USP34: variants seen among roughly 807,000 people sequenced by gnomAD.
The protein encoded by USP34 is ubiquitin carboxyl-terminal hydrolase 34.
In USP34, 70 loss-of-function variants were observed where a neutral mutation model predicts 460.3. The ratio of observed to expected loss-of-function variants is 0.15; its 90% CI spans 0.13 to 0.19. USP34 has a LOEUF of 0.19. Among genes scored for constraint, USP34 ranks in the 10% least tolerant of loss-of-function variants. USP34 has a pLI of 1.00. For missense variants in USP34, 3,985 were observed against 4,236.2 expected (o/e 0.94, Z 1.65); for synonymous variants, 1,647 against 1,405.3 (o/e 1.17, Z -3.85).
At chr2:61,229,495 CA>C in intron 59 of USP34, 52 bp downstream of exon 59, 3 of 497,398 alleles carry the variant, frequency 6.0e-6, no homozygotes, top group East Asian at 5.0e-5. Flanking sequence ...AAAACAAAAA[CA>C]CCACACACAC....
intron 75 of USP34, among the ~76,000 whole-genome samples, chr2:61,195,762 C>T (rs887697778): frequency 1.3e-5 from 2 of 152,114 alleles, no homozygotes; most frequent in South Asian, 4.1e-4. Context: ...AGTGTCCCCT[C>T]TTTGCAAAAA....
intron 1 of USP34, among the ~76,000 whole-genome samples, chr2:61,464,717 CAA>C (rs35331685): frequency 3.2e-4 from 25 of 77,994 alleles, no homozygotes; most frequent in African/African-American, 6.5e-4. Context: ...GACTCCGTCT[CAA>C]AAAAAAAAAA....
rs575890775 is a variant in USP34 at position 61,400,918 on chromosome 2, G to A, written c.552+4790C>T. ...TGTAATCCCAGCATTTTGGGAGGCC[G>A]AGACAGGCAGGTCACAAGATCAAGT... is the stretch of plus-strand genomic sequence containing the variant. On this transcript the variant is annotated intron_variant, in intron 3 of 79. Coordinates refer to ENST00000398571, the MANE Select transcript of USP34 (RefSeq NM_014709.4). 1.9e-4 allele frequency among the ~76,000 whole-genome samples: 29 copies of A among 152,106 alleles called. No individual in the cohort carries two copies. In the South Asian group the frequency reaches 4.8e-3, roughly 25 times the overall value.
In USP34 at chr2:61,280,301, C is replaced by T. The variant is rs368846131; in HGVS notation, c.5199G>A (p.Glu1733=). The T allele has an allele frequency of 3.2e-6, 5 of 1,559,044 alleles. No homozygotes were observed. The African/African-American group carries it at 4.1e-5, about 13-fold the overall frequency. The change falls in exon 39 of 80, where the codon GAG becomes GAA. Residue 1733 remains glutamate, a synonymous_variant. Transcript: ENST00000398571. ...CTAATTTGCATAACAACCAAAAATA[C>T]TCTTTACATCCTGGTTTTAATATTG... ...EEPILKPGCK[E]YFWLLCKLVD...
At position 61,301,125 on chromosome 2, in the gene USP34, C is replaced by T. The variant is rs2103641638; in HGVS notation, c.3954G>A (p.Glu1318=). 6.2e-7 allele frequency: 1 copy of T among 1,613,746 alleles called. No individual in the cohort carries two copies. Among genetic ancestry groups the T allele is most frequent in the Non-Finnish European group, 8.5e-7 (1 of 1,179,926 alleles). The part of the protein sequence containing the change: ...VFVSLGAPRR[E]RKGEGVQLPA... ...GCAGCTGAACACCTTCCCCTTTCCG[C>T]TCTCTCCTTGGTGCACCCAAAGATA... The change falls in exon 29 of 80, where the codon GAG becomes GAA. Residue 1318 remains glutamate, a synonymous_variant. Coordinates refer to ENST00000398571, the MANE Select transcript of USP34 (RefSeq NM_014709.4).
intron 5 of USP34, among the ~76,000 whole-genome samples, chr2:61,392,666 T>C (rs1395216234): frequency 1.3e-5 from 2 of 152,144 alleles, no homozygotes; most frequent in Non-Finnish European, 2.9e-5. Context: ...CTGTAAACGA[T>C]AACTTTTAAA....
At chr2:61,411,218 C>CA (rs900345484) in intron 2 of USP34, among the ~76,000 whole-genome samples, 65 of 148,236 alleles carry the variant, frequency 4.4e-4, no homozygotes, top group South Asian at 1.3e-3. Flanking sequence ...GACCTCGTCT[C>CA]AAAAAAAAAC....
At position 61,406,007 on chromosome 2, in the gene USP34, A is replaced by G. The variant is rs1693859624; in HGVS notation, c.253T>C (p.Cys85Arg). The change falls in exon 3 of 80, where the codon TGT (cysteine) becomes CGT (arginine). Residue 85 changes from cysteine (C) to arginine (R), a missense_variant. Around this residue, in one of 14 missense-constraint regions of USP34, gnomAD observed 331 missense variants for 293.7 expected, o/e 1.13. Transcript: ENST00000398571. ...QVLRDQLCKH[C>R]TTINIDSTWQ... ...GTGGAATCTATGTTAATGGTAGTAC[A>G]ATGTTTACAAAGCTGGTCCCGGAGC... 1.9e-6 allele frequency: 3 copies of G among 1,613,794 alleles called. No homozygotes were observed. Among genetic ancestry groups the G allele is most frequent in the Non-Finnish European group, 2.5e-6 (3 of 1,179,984 alleles).
chr2:61,320,286 G>C (rs1167924672), intron 21 of USP34, among the ~76,000 whole-genome samples: 1 of 152,192 alleles, frequency 6.6e-6, no homozygotes, highest in African/African-American at 2.4e-5. Flanking sequence ...GGACAGGGCA[G>C]TAACTAACCT....
intron 10 of USP34, among the ~76,000 whole-genome samples, chr2:61,356,475 G>GCGCGCGCGCACACACA (rs369666693): frequency 1.6e-5 from 2 of 128,332 alleles, no homozygotes; most frequent in South Asian, 7.6e-4. Context: ...GGGTGAAAGC[G>GCGCGCGCGCACACACA]CACACACACA....
intron 1 of USP34, among the ~76,000 whole-genome samples, chr2:61,440,332 C>A (rs1558595877): frequency 6.6e-6 from 1 of 152,122 alleles, no homozygotes; most frequent in East Asian, 1.9e-4. Context: ...GAGGATGTGC[C>A]CAGACAGGAC....
At chr2:61,194,445 TCAGGCC>T (rs984488229) in intron 75 of USP34, among the ~76,000 whole-genome samples, 53 of 152,370 alleles carry the variant, frequency 3.5e-4, no homozygotes, top group African/African-American at 1.3e-3. Context: ...ACTATGGCCC[TCAGGCC>T]AAATCTGACC....
intron 8 of USP34, among the ~76,000 whole-genome samples, chr2:61,373,069 T>A (rs1164152055): frequency 6.6e-6 from 1 of 152,196 alleles, no homozygotes; most frequent in Non-Finnish European, 1.5e-5. Flanking sequence ...TGGAGCTACG[T>A]AGGAGCCATG....
intron 59 of USP34, 61 bp downstream of exon 59, chr2:61,229,487 A>AAACAAAAACACC: frequency 1.2e-6 from 1 of 820,748 alleles, no homozygotes; most frequent in Non-Finnish European, 1.6e-6. Flanking sequence ...AAAAAAAAAA[A>AAACAAAAACACC]ACAAAAACAC....
intron 2 of USP34, among the ~76,000 whole-genome samples, chr2:61,413,921 C>G (rs541078072): frequency 6.9e-6 from 1 of 145,718 alleles, no homozygotes; most frequent in Non-Finnish European, 1.5e-5. Context: ...TACAGTGAGA[C>G]TCAGTCTCAA....
chr2:61,195,797 G>C (rs1167110390), intron 75 of USP34, among the ~76,000 whole-genome samples: 2 of 152,282 alleles, frequency 1.3e-5, no homozygotes, highest in South Asian at 4.1e-4. Flanking sequence ...ACTAACCTCT[G>C]AACTAGAGGC....
chr2:61,430,214 C>T (rs6719958), intron 1 of USP34, among the ~76,000 whole-genome samples: 16,957 of 78,044 alleles, frequency 0.22, 1,306 homozygotes, highest in East Asian at 0.47. Context: ...GTCTTCGTCA[C>T]AAAAAAAAAA....
intron 41 of USP34, among the ~76,000 whole-genome samples, chr2:61,268,828 A>G (rs1369422775): frequency 6.6e-6 from 1 of 152,190 alleles, no homozygotes; most frequent in Non-Finnish European, 1.5e-5. Context: ...CTATATTAAT[A>G]AGGACCATCC....
chr2:61,339,197 C>T (rs1404450288), intron 18 of USP34, among the ~76,000 whole-genome samples, 154 bp downstream of exon 18: 1 of 151,986 alleles, frequency 6.6e-6, no homozygotes, highest in African/African-American at 2.4e-5. Flanking sequence ...TAAGAAGAAA[C>T]CTCTAAATTT....
Sources: gnomAD v4.1 joint callset for allele counts (sites outside exome capture counted in the v4.1 genomes callset) on GRCh38, gnomAD v4.1.1 for gene constraint, gnomAD v4.1.1 regional missense constraint, MANE v1.5 for transcripts, NCBI Gene and HGNC (gene_info 2026-07-23, HGNC 2026-07-21) for gene names.